The following TLE6 variants were observed in gnomAD, a reference collection of about 807,000 sequenced individuals.
TLE6 encodes the protein transducin-like enhancer protein 6.
Under a neutral mutation model 77.1 loss-of-function variants are expected in TLE6, and 72 were observed. The observed-to-expected ratio is 0.93, with a 90% CI of 0.77 to 1.14. The LOEUF (loss-of-function observed/expected upper bound fraction) is 1.14, where lower values mean the gene tolerates loss of function less well. TLE6 is among the 50% of genes most tolerant of loss of function. TLE6 has a pLI of 0.00. For missense variants in TLE6, 843 were observed against 747.6 expected, an observed-to-expected ratio of 1.13 and a Z score of -1.49; for synonymous variants, 366 against 287.3, an observed-to-expected ratio of 1.27 and a Z score of -2.77.
intron 3 of TLE6, among the ~76,000 whole-genome samples, chr19:2,980,925 C>A (rs955475459): frequency 1.3e-5 from 2 of 151,750 alleles, no homozygotes; most frequent in Non-Finnish European, 2.9e-5. Flanking sequence ...GTGGTGCACA[C>A]CTGTAGTCCC....
At chr19:2,986,038 C>T (rs912260036) in intron 5 of TLE6, among the ~76,000 whole-genome samples, 2 of 120,450 alleles carry the variant, frequency 1.7e-5, no homozygotes, top group African/African-American at 6.5e-5. Context: ...CACATCACTG[C>T]ACTCCTGCCT....
In TLE6 at chr19:2,981,651, C is replaced by T. The variant is rs150934394; in HGVS notation, c.180+68C>T. 1.7e-3 allele frequency: 2,618 copies of T among 1,498,730 alleles called. 5 individuals are homozygous for T. Among genetic ancestry groups the T allele is most frequent in the Non-Finnish European group, 2.0e-3 (2,179 of 1,099,462 alleles). The allele number at this position is 1,498,730 out of a possible 1,614,324, so 92.8% of individuals were successfully genotyped here. A position where few individuals can be genotyped will look rare whatever the true frequency, so the allele number is the denominator to read the frequency against. On this transcript the variant is annotated intron_variant, in intron 4 of 16. Transcript: ENST00000246112. ...GGGACAAGCTGAGGCCCTGGTTTCC[C>T]GGCCCTGCCTCCTGAGTGCCCTAGA...
chr19:2,989,530 C>T lies in TLE6; in HGVS notation c.994-5C>T. The T allele has an allele frequency of 6.2e-7, 1 of 1,609,892 alleles. No homozygotes were observed. On this transcript the variant is annotated splice_region_variant and splice_polypyrimidine_tract_variant and intron_variant, in intron 12 of 16. Coordinates refer to ENST00000246112, the MANE Select transcript of TLE6 (RefSeq NM_001143986.2). ...GACAGCTCACAGTGACTCTGCCCATCCCAGACCCCTGGGGCCTTCCTGCGC... is the reference window on the plus strand; with the variant it reads ...GACAGCTCACAGTGACTCTGCCCATTCCAGACCCCTGGGGCCTTCCTGCGC...
At position 2,989,283 on chromosome 19, in the gene TLE6, CAGG is replaced by C. The variant is rs1196119320; in HGVS notation, c.964_966del (p.Arg322del). On this transcript the variant is annotated inframe_deletion, in exon 12 of 17. Transcript: ENST00000246112. ...GCCTGACTGGACAGGTGGCTGAGGA[CAGG>C]TTCCCTGAGAGCCACCTGCCTATAC... 6.2e-6 allele frequency: 10 copies of C among 1,613,240 alleles called. No individual in the cohort carries two copies. Among genetic ancestry groups the C allele is most frequent in the African/African-American group, 1.3e-5 (1 of 74,946 alleles).
intron 16 of TLE6, 89 bp downstream of exon 16, chr19:2,994,184 C>A: frequency 2.6e-6 from 3 of 1,159,394 alleles, no homozygotes; most frequent in Non-Finnish European, 3.7e-6. Flanking sequence ...CCACAAAAAA[C>A]TTAAAAAGTA....
chr19:2,989,366 T>G, intron 12 of TLE6, 53 bp downstream of exon 12: 1 of 1,602,344 alleles, frequency 6.2e-7, no homozygotes, highest in Admixed American at 1.7e-5. Flanking sequence ...ACAGGGGGTT[T>G]GAGGTTTGAG....
chr19:2,982,932 T>C (rs2088829080), intron 5 of TLE6, among the ~76,000 whole-genome samples: 1 of 151,972 alleles, frequency 6.6e-6, no homozygotes, highest in Non-Finnish European at 1.5e-5. Context: ...CCATATGACA[T>C]GGGAGTGAGG....
chr19:2,987,369 C>A lies in TLE6; in HGVS notation c.555C>A (p.Gly185=). 6.2e-7 allele frequency: 1 copy of A among 1,613,896 alleles called. No homozygotes were observed. The highest frequency in any genetic ancestry group is 1.1e-5 in the South Asian group (1 of 91,072). The change falls in exon 8 of 17, where the codon GGC becomes GGA. Residue 185 remains glycine (G), a synonymous_variant. Coordinates refer to ENST00000246112, the MANE Select transcript of TLE6 (RefSeq NM_001143986.2). ...TCATGGTGACAGAGCAGGCACCAGG[C>A]CTGGTGAGTAAACAACCTCAGCTCT... ...AKPRDRQQAP[G]LGQESKAPGS...
intron 5 of TLE6, among the ~76,000 whole-genome samples, chr19:2,985,881 G>GC (rs2145036639): frequency 6.6e-6 from 1 of 150,574 alleles, no homozygotes; most frequent in Admixed American, 6.6e-5. Flanking sequence ...TTCAAGACCA[G>GC]CCCGGCCAAC....
In TLE6 at chr19:2,994,044, G is replaced by A. The variant is rs951449813; in HGVS notation, c.1563G>A (p.Met521Ile). ...GCCAGTGGTGGGCAAGCGTTGGAATGGACGACTTCCTTGGCGTCTACAGCA... is the reference window on the plus strand; with the variant it reads ...GCCAGTGGTGGGCAAGCGTTGGAATAGACGACTTCCTTGGCGTCTACAGCA... ...PFGQWWASVGMDDFLGVYSMP... is the reference protein window; with the variant it reads ...PFGQWWASVGIDDFLGVYSMP... Residue 521 changes from methionine to isoleucine, a missense_variant, in exon 16 of 17, where the codon ATG becomes ATA. Physicochemically the swap from Met to Ile is conservative, Grantham distance 10. Transcript: ENST00000246112. The A allele has an allele frequency of 1.4e-5, 23 of 1,607,956 alleles. No homozygotes were observed. The highest frequency in any genetic ancestry group is 2.0e-5 in the Non-Finnish European group (23 of 1,177,802).
At chr19:2,994,828 C>A in intron 16 of TLE6, 72 bp from the exon 17 acceptor site, 1 of 844,838 alleles carries the variant, frequency 1.2e-6, no homozygotes. Context: ...ATGCTTCATG[C>A]TTGAGCTGAC....
At chr19:2,986,278 TG>T (rs1444100551) in intron 5 of TLE6, among the ~76,000 whole-genome samples, 1 of 151,114 alleles carries the variant, frequency 6.6e-6, no homozygotes, top group Non-Finnish European at 1.5e-5. Flanking sequence ...TAGCTGAGCG[TG>T]GTGGTGCATA....
chr19:2,980,926 C>G (rs1423105737), intron 3 of TLE6, among the ~76,000 whole-genome samples: 1 of 151,748 alleles, frequency 6.6e-6, no homozygotes, highest in Non-Finnish European at 1.5e-5. Flanking sequence ...TGGTGCACAC[C>G]TGTAGTCCCA....
At chr19:2,981,059 A>C (rs1336283810) in intron 3 of TLE6, among the ~76,000 whole-genome samples, 1 of 151,590 alleles carries the variant, frequency 6.6e-6, no homozygotes, top group Non-Finnish European at 1.5e-5. Context: ...TAAAAAAAAA[A>C]AAATTGAAGA....
rs1188065459 is a variant in TLE6 at position 2,995,048 on chromosome 19, CCCCCCCTT to C, written c.*51_*58del. 1.4e-5 allele frequency: 15 copies of C among 1,092,482 alleles called. No individual in the cohort carries two copies. Among genetic ancestry groups the C allele is most frequent in the Non-Finnish European group, 1.8e-5 (14 of 770,106 alleles). The allele number at this position is 1,092,482 out of a possible 1,614,324, so 67.7% of individuals were successfully genotyped here. ...TCCCACTCCGGCTCCTCTTTTCATC[CCCCCCCTT>C]CCCCCCCCCCAACAAGGGGGACATG... On this transcript the variant is annotated 3_prime_UTR_variant, in exon 17 of 17. Transcript: ENST00000246112.
intron 15 of TLE6, 38 bp from the exon 16 acceptor site, chr19:2,993,981 A>G (rs1335661269): frequency 6.9e-7 from 1 of 1,451,518 alleles, no homozygotes; most frequent in African/African-American, 1.4e-5. Context: ...GGAAAAAGGT[A>G]GTGGTTCTAA....
At chr19:2,992,947 G>C (rs2089112350) in intron 14 of TLE6, among the ~76,000 whole-genome samples, 1 of 148,956 alleles carries the variant, frequency 6.7e-6, no homozygotes, top group South Asian at 2.1e-4. Context: ...CCAGCCCTTT[G>C]GGAGGCCAAG....
chr19:2,979,888 C>T (rs1021016196), intron 2 of TLE6, among the ~76,000 whole-genome samples: 6 of 146,814 alleles, frequency 4.1e-5, no homozygotes, highest in African/African-American at 7.5e-5. Context: ...CGCTTGAACC[C>T]GGGAGGCAGA....
rs774108166 is a variant in TLE6 at position 2,987,339 on chromosome 19, C to G, written c.542-17C>G. The G allele has an allele frequency of 6.2e-7, 1 of 1,614,052 alleles. No homozygotes were observed. The highest frequency in any genetic ancestry group is 8.5e-7 in the Non-Finnish European group (1 of 1,180,028). On this transcript the variant is annotated splice_polypyrimidine_tract_variant and intron_variant, in intron 7 of 16. Coordinates refer to ENST00000246112, the MANE Select transcript of TLE6 (RefSeq NM_001143986.2). ...TTCTCTCTGTCCCCCTCCTCCTCTCCGTTGTCATGGTGACAGAGCAGGCAC... is the reference window on the plus strand; with the variant it reads ...TTCTCTCTGTCCCCCTCCTCCTCTCGGTTGTCATGGTGACAGAGCAGGCAC...
Sources: gnomAD v4.1 joint callset for allele counts (sites outside exome capture counted in the v4.1 genomes callset) on GRCh38, gnomAD v4.1.1 for gene constraint, MANE v1.5 for transcripts, NCBI Gene and HGNC (gene_info 2026-07-23, HGNC 2026-07-21) for gene names.